ARHGEF28: variants seen among roughly 807,000 people sequenced by gnomAD.
The protein encoded by ARHGEF28 is Rho guanine nucleotide exchange factor 28.
A neutral mutation model predicts 206.6 loss-of-function variants in ARHGEF28; 152 were observed. The observed-to-expected ratio is 0.74, with a 90% confidence interval of 0.64 to 0.84. ARHGEF28 has a LOEUF of 0.84. Ranked by LOEUF, ARHGEF28 falls within the 40% of genes least tolerant of loss-of-function variation. The pLI, the probability that ARHGEF28 is intolerant of heterozygous loss-of-function variation, is 0.00. For missense variants in ARHGEF28, 2,028 were observed against 2,073.2 expected (o/e 0.98, Z 0.42); for synonymous variants, 763 against 776.4 (o/e 0.98, Z 0.29).
intron 1 of ARHGEF28, among the ~76,000 whole-genome samples, chr5:73,675,368 A>G (rs1336591019): frequency 6.6e-6 from 1 of 152,172 alleles, no homozygotes; most frequent in African/African-American, 2.4e-5. Flanking sequence ...ATGGAGACCA[A>G]CATTTCATAG....
chr5:73,889,338 G>C (rs1456048408), intron 26 of ARHGEF28, among the ~76,000 whole-genome samples: 1 of 152,206 alleles, frequency 6.6e-6, no homozygotes, highest in Non-Finnish European at 1.5e-5. Context: ...CAAGAGGATG[G>C]AGTAGTGGGT....
chr5:73,806,375 T>G (rs1301764270), intron 9 of ARHGEF28, among the ~76,000 whole-genome samples: 1 of 30,084 alleles, frequency 3.3e-5, no homozygotes, highest in Non-Finnish European at 4.7e-5. Flanking sequence ...ATATATACTA[T>G]ATATAGATAT....
rs1752114467 is a variant in ARHGEF28, at chr5:73,753,172, T to C, written c.445T>C (p.Trp149Arg). 2 of 1,535,232 alleles carry C rather than the reference T, an allele frequency of 1.3e-6. No individual in the cohort carries two copies. Among genetic ancestry groups the C allele is most frequent in the East Asian group, 2.3e-5 (1 of 44,376 alleles). ...GACCCATCTGGAATTGCCTCTAGAGTGGACTGTGTTGGGAAGTTCTTCACT... is the reference window on the plus strand; with the variant it reads ...GACCCATCTGGAATTGCCTCTAGAGCGGACTGTGTTGGGAAGTTCTTCACT... ...ALTHLELPLE[W>R]TVLGSSSLEV... The change falls in exon 4 of 36, where the codon TGG becomes CGG. Residue 149 changes from tryptophan (W) to arginine (R), a missense_variant. Around this residue, in one of 3 missense-constraint regions of ARHGEF28, gnomAD observed 1,002 missense variants for 1,015.3 expected, o/e 0.99. Transcript: ENST00000513042.
intron 3 of ARHGEF28, among the ~76,000 whole-genome samples, chr5:73,750,794 G>A (rs1751981212): frequency 6.6e-6 from 1 of 151,988 alleles, no homozygotes. Flanking sequence ...TCTTAACTGT[G>A]GGTCTTTCAG....
Position 73,843,592 on chromosome 5 carries a change from G to A in ARHGEF28, c.1428-2676G>A, listed in dbSNP as rs1004567021. Among the ~76,000 whole-genome samples, 31 of 152,082 alleles carry A rather than the reference G, an allele frequency of 2.0e-4. 1 individual carries two copies. Among genetic ancestry groups the A allele is most frequent in the Non-Finnish European group, 3.8e-4 (26 of 68,034 alleles). On this transcript the variant is annotated intron_variant, in intron 11 of 35. Coordinates refer to ENST00000513042, the MANE Select transcript of ARHGEF28 (RefSeq NM_001177693.2). ...ACCTCTAATGAAGGAGAAATTTGGG[G>A]GCACACAGTAAAAACTGGAGTTAAT... is the stretch of plus-strand genomic sequence containing the variant.
chr5:73,696,123 A>G (rs1263529062), intron 2 of ARHGEF28, among the ~76,000 whole-genome samples: 1 of 152,160 alleles, frequency 6.6e-6, no homozygotes, highest in Non-Finnish European at 1.5e-5. Flanking sequence ...GTAGGCTTTC[A>G]CTAAACGTTT....
intron 31 of ARHGEF28, chr5:73,902,961 C>T (rs1207055645): frequency 6.6e-6 from 1 of 152,292 alleles, no homozygotes; most frequent in Non-Finnish European, 1.5e-5. Context: ...GAACGCCAAC[C>T]ATCCCTCTAG....
At chr5:73,867,192 A>G (rs958728184) in intron 18 of ARHGEF28, among the ~76,000 whole-genome samples, 2 of 152,192 alleles carry the variant, frequency 1.3e-5, no homozygotes, top group Admixed American at 6.5e-5. Flanking sequence ...AATGCTTTGT[A>G]ATGTCTGGGA....
intron 16 of ARHGEF28, among the ~76,000 whole-genome samples, chr5:73,859,322 T>C (rs1759242127): frequency 6.6e-6 from 1 of 152,166 alleles, no homozygotes; most frequent in African/African-American, 2.4e-5. Context: ...GATTTCATGG[T>C]ATTTGTTGAT....
At chr5:73,636,522 T>C (rs1355154821) in intron 1 of ARHGEF28, among the ~76,000 whole-genome samples, 3 of 152,220 alleles carry the variant, frequency 2.0e-5, no homozygotes, top group African/African-American at 7.2e-5. Context: ...AAATTAGAAG[T>C]AGAGAGATGT....
Position 73,737,615 on chromosome 5 carries a change from G to A in ARHGEF28, c.34-12222G>A, listed in dbSNP as rs545115892. Among the ~76,000 whole-genome samples, 692 of 151,478 alleles carry A rather than the reference G, an allele frequency of 4.6e-3. 1 individual carries two copies. Among genetic ancestry groups the A allele is most frequent in the Non-Finnish European group, 7.8e-3 (530 of 67,894 alleles). On this transcript the variant is annotated intron_variant, in intron 2 of 35. Transcript: ENST00000513042. ...CAACCTCTGCCTCCCGGGTTCACGCGATTCTTCTGCCTCAGCCTCCCAAGT... is the reference window on the plus strand; with the variant it reads ...CAACCTCTGCCTCCCGGGTTCACGCAATTCTTCTGCCTCAGCCTCCCAAGT...
intron 2 of ARHGEF28, among the ~76,000 whole-genome samples, chr5:73,688,594 C>T (rs1747613978): frequency 6.6e-6 from 1 of 152,136 alleles, no homozygotes; most frequent in Non-Finnish European, 1.5e-5. Flanking sequence ...CCCTTCTAGA[C>T]AGAACAACTA....
chr5:73,649,873 C>T (rs1285444631), intron 1 of ARHGEF28, among the ~76,000 whole-genome samples: 1 of 152,170 alleles, frequency 6.6e-6, no homozygotes, highest in East Asian at 1.9e-4. Flanking sequence ...GCGAGCCCTT[C>T]GTCCCTCTGC....
At chr5:73,827,583 C>G (rs1579948824) in intron 9 of ARHGEF28, among the ~76,000 whole-genome samples, 1 of 152,174 alleles carries the variant, frequency 6.6e-6, no homozygotes, top group East Asian at 1.9e-4. Flanking sequence ...GCCCCAGTCA[C>G]ACAGCTAATA....
chr5:73,857,658 T>C lies in ARHGEF28; in HGVS notation c.1793T>C (p.Ile598Thr). ...SLSEPPRENR[I>T]QEEEWDKYII... Reference sequence around the variant, plus strand: ...GATAACAGATTCTGTTTTTGTAGAATTCAGGAAGAAGAATGGGATAAATAC... The same window carrying C: ...GATAACAGATTCTGTTTTTGTAGAACTCAGGAAGAAGAATGGGATAAATAC... Residue 598 changes from isoleucine (I) to threonine (T), a missense_variant and splice_region_variant, in exon 15 of 36, where the codon ATT becomes ACT. Around this residue, in one of 3 missense-constraint regions of ARHGEF28, gnomAD observed 1,002 missense variants for 1,015.3 expected, o/e 0.99. Coordinates refer to ENST00000513042, the MANE Select transcript of ARHGEF28 (RefSeq NM_001177693.2). 1 of 1,569,216 alleles carries C rather than the reference T, an allele frequency of 6.4e-7. No individual in the cohort carries two copies. The highest frequency in any genetic ancestry group is 1.2e-5 in the South Asian group (1 of 85,360).
At chr5:73,720,177 A>T (rs1297651943) in intron 2 of ARHGEF28, among the ~76,000 whole-genome samples, 1 of 152,240 alleles carries the variant, frequency 6.6e-6, no homozygotes, top group Non-Finnish European at 1.5e-5. Flanking sequence ...ATAGACATGT[A>T]TTTCCAGTTG....
rs556834901 is a variant in ARHGEF28 at position 73,873,221 on chromosome 5, G to A, written c.2789G>A (p.Arg930Gln). ...AGCGACAGGAATTTTGTGATCGACC[G>A]AATTGGAGATATTTTGGTACAACAG... Reference protein sequence around the residue: ...AGSDRNFVIDRIGDILVQQFS... With the variant: ...AGSDRNFVIDQIGDILVQQFS... Residue 930 changes from arginine to glutamine, a missense_variant, in exon 22 of 36, where the codon CGA becomes CAA. Transcript: ENST00000513042. The A allele has an allele frequency of 4.5e-5, 72 of 1,610,802 alleles. No individual in the cohort carries two copies. The highest frequency in any genetic ancestry group is 4.0e-5 in the African/African-American group (3 of 74,994).
chr5:73,936,208 CTT>C (rs1411624931), intron 35 of ARHGEF28, among the ~76,000 whole-genome samples: 4 of 152,180 alleles, frequency 2.6e-5, no homozygotes, highest in Admixed American at 1.3e-4. Flanking sequence ...ACAAGTTACT[CTT>C]AAGTTTGCTG....
At chr5:73,852,620 G>A (rs1400823235) in intron 13 of ARHGEF28, 30 bp from the exon 14 acceptor site, 1 of 1,611,092 alleles carries the variant, frequency 6.2e-7, no homozygotes, top group Admixed American at 1.7e-5. Flanking sequence ...GTGTGCCTTA[G>A]TTTTCATTTT....
Sources: gnomAD v4.1 joint callset for allele counts (sites outside exome capture counted in the v4.1 genomes callset) on GRCh38, gnomAD v4.1.1 for gene constraint, gnomAD v4.1.1 regional missense constraint, MANE v1.5 for transcripts, NCBI Gene and HGNC (gene_info 2026-07-23, HGNC 2026-07-21) for gene names.